Variants in NTRK3 observed in about 807,000 individuals in gnomAD.
NTRK3 encodes the protein NT-3 growth factor receptor.
A neutral mutation model predicts 91.7 loss-of-function variants in NTRK3; 24 were observed. That is an observed-to-expected ratio of 0.26 (90% CI 0.19 to 0.37). The LOEUF is 0.37. NTRK3 is among the 10% of genes least tolerant of loss of function. The probability of loss-of-function intolerance (pLI) is 1.00; values close to 1 mark genes in which losing one functional copy is unlikely to be tolerated. For missense variants in NTRK3, 880 were observed against 1,068.9 expected, an observed-to-expected ratio of 0.82 and a Z score of 2.46; for synonymous variants, 483 against 404.0, an observed-to-expected ratio of 1.20 and a Z score of -2.34.
At chr15:88,098,741 AG>A (rs2049885045) in intron 13 of NTRK3, 2 of 232,624 alleles carry the variant, frequency 8.6e-6, no homozygotes, top group Admixed American at 5.6e-5. Context: ...ATTACAGAAA[AG>A]GATGGGGAGG....
intron 17 of NTRK3, among the ~76,000 whole-genome samples, chr15:87,907,535 T>C (rs903565277): frequency 1.3e-5 from 2 of 152,116 alleles, no homozygotes; most frequent in East Asian, 3.9e-4. Context: ...AGGATAATAC[T>C]GTATATTAGA....
At chr15:88,033,961 T>C (rs1390677638) in intron 13 of NTRK3, among the ~76,000 whole-genome samples, 3 of 152,148 alleles carry the variant, frequency 2.0e-5, no homozygotes, top group Non-Finnish European at 1.5e-5. Context: ...CTGATTCCAT[T>C]GGTCTGGGGG....
At chr15:87,886,455 T>C (rs974612516) in intron 17 of NTRK3, among the ~76,000 whole-genome samples, 40 of 150,992 alleles carry the variant, frequency 2.6e-4, no homozygotes, top group African/African-American at 6.7e-4. Context: ...TGTACTGATA[T>C]GTAAATATAT....
intron 13 of NTRK3, among the ~76,000 whole-genome samples, chr15:88,096,425 C>T (rs1373654528): frequency 6.6e-6 from 1 of 152,200 alleles, no homozygotes; most frequent in Admixed American, 6.5e-5. Context: ...GAAGACCCTA[C>T]TTCACCATGA....
chr15:88,221,806 T>C (rs1191262954), intron 3 of NTRK3, among the ~76,000 whole-genome samples: 1 of 152,120 alleles, frequency 6.6e-6, no homozygotes, highest in Non-Finnish European at 1.5e-5. Flanking sequence ...AGGGCCTGAC[T>C]AGATTACAAC....
chr15:87,893,214 A>G (rs1397994718), intron 17 of NTRK3, among the ~76,000 whole-genome samples: 2 of 152,112 alleles, frequency 1.3e-5, no homozygotes, highest in African/African-American at 4.8e-5. Context: ...TCAAGCCATC[A>G]GCTCTATATA....
chr15:87,979,195 T>C (rs1242753155), intron 14 of NTRK3: 4 of 713,206 alleles, frequency 5.6e-6, no homozygotes, highest in Non-Finnish European at 7.6e-6. Flanking sequence ...ACCCATCTGG[T>C]GGTGTTAAAG....
At chr15:88,236,842 A>G (rs2051827771) in intron 3 of NTRK3, among the ~76,000 whole-genome samples, 1 of 151,512 alleles carries the variant, frequency 6.6e-6, no homozygotes, top group African/African-American at 2.4e-5. Context: ...AATCTCCCAA[A>G]CAGTGGCTCC....
At chr15:87,953,684 C>T (rs2071375461) in intron 14 of NTRK3, among the ~76,000 whole-genome samples, 1 of 152,160 alleles carries the variant, frequency 6.6e-6, no homozygotes, top group African/African-American at 2.4e-5. Context: ...GAACCCACAT[C>T]AAACACACTC....
At chr15:88,067,818 G>T (rs369571420) in intron 13 of NTRK3, among the ~76,000 whole-genome samples, 4 of 152,210 alleles carry the variant, frequency 2.6e-5, no homozygotes, top group Admixed American at 6.5e-5. Flanking sequence ...TAAGTCACAA[G>T]ATTGAGGTCA....
chr15:87,911,766 A>G (rs1259126259), intron 17 of NTRK3, among the ~76,000 whole-genome samples: 1 of 152,236 alleles, frequency 6.6e-6, no homozygotes, highest in Admixed American at 6.5e-5. Flanking sequence ...CGCTGAGAAG[A>G]ACACCTGTCT....
intron 17 of NTRK3, among the ~76,000 whole-genome samples, chr15:87,901,768 G>T: frequency 6.6e-6 from 1 of 151,420 alleles, no homozygotes; most frequent in East Asian, 1.9e-4. Context: ...TTGGGGAGGG[G>T]GGGAGAGGGG....
At chr15:87,860,007 T>G (rs1354007344) in exon 19 of NTRK3, 4 of 196,222 alleles carry the variant, frequency 2.0e-5, no homozygotes, top group Non-Finnish European at 3.2e-5. Context: ...TACACACACA[T>G]ATATACATAT....
intron 17 of NTRK3, among the ~76,000 whole-genome samples, chr15:87,920,254 G>A (rs922877222): frequency 1.3e-5 from 2 of 152,224 alleles, no homozygotes; most frequent in African/African-American, 4.8e-5. Context: ...TAGCATAAAT[G>A]TATCCCACAC....
chr15:88,256,188 G>T lies in NTRK3; in HGVS notation c.-15-20C>A. 1 of 1,368,004 alleles carries T rather than the reference G, an allele frequency of 7.3e-7. No individual in the cohort carries two copies. Among genetic ancestry groups the T allele is most frequent in the Non-Finnish European group, 1.0e-6 (1 of 1,000,042 alleles). The allele number at this position is 1,368,004 out of a possible 1,614,324, so 84.7% of individuals were successfully genotyped here. Reference sequence around the variant, plus strand: ...CTGCTTCTAAAAAAGAGGAGGAGGAGAGGAGAGGGGGGTGGGGTGGGGGGA... The same window carrying T: ...CTGCTTCTAAAAAAGAGGAGGAGGATAGGAGAGGGGGGTGGGGTGGGGGGA... On this transcript the variant is annotated intron_variant, in intron 2 of 18. Transcript: ENST00000394480.
intron 5 of NTRK3, among the ~76,000 whole-genome samples, chr15:88,151,436 AG>A (rs889144176): frequency 4.6e-5 from 7 of 152,152 alleles, no homozygotes; most frequent in African/African-American, 1.7e-4. Flanking sequence ...CATAATGAAC[AG>A]GGGTCCTCCC....
At chr15:87,947,171 G>A (rs1024574336) in intron 14 of NTRK3, among the ~76,000 whole-genome samples, 3 of 151,972 alleles carry the variant, frequency 2.0e-5, no homozygotes, top group African/African-American at 7.3e-5. Context: ...CAGCCACCGT[G>A]CCCGGCCCTA....
At chr15:88,250,981 A>G (rs1179131405) in intron 3 of NTRK3, among the ~76,000 whole-genome samples, 1 of 152,228 alleles carries the variant, frequency 6.6e-6, no homozygotes, top group African/African-American at 2.4e-5. Context: ...AAGCTTTGCA[A>G]AAGAACATCT....
At chr15:88,157,223 CCT>C (rs904053534) in intron 5 of NTRK3, among the ~76,000 whole-genome samples, 1 of 151,916 alleles carries the variant, frequency 6.6e-6, no homozygotes, top group Admixed American at 6.6e-5. Flanking sequence ...CCTCTTCTTC[CCT>C]CTCTCACACA....
Sources: allele counts gnomAD v4.1 joint callset (sites outside exome capture counted in the v4.1 genomes callset), GRCh38; gene constraint gnomAD v4.1.1; transcripts MANE v1.5; gene names NCBI Gene and HGNC (gene_info 2026-07-23, HGNC 2026-07-21).